The following SCN7A variants were observed in gnomAD, a reference collection of about 807,000 sequenced individuals.
SCN7A encodes the protein sodium channel protein type 7 subunit alpha.
Under a neutral mutation model 155.2 loss-of-function variants are expected in SCN7A, and 138 were observed. That is an observed-to-expected ratio of 0.89 (90% CI 0.77 to 1.02). The LOEUF is 1.02. Ranked by LOEUF, SCN7A falls within the 50% of genes least tolerant of loss-of-function variation. The probability of loss-of-function intolerance (pLI) is 0.00; values close to 1 mark genes in which losing one functional copy is unlikely to be tolerated. For synonymous variants in SCN7A, 693 were observed against 649.0 expected (o/e 1.07, Z -1.03); for missense variants, 2,058 against 1,986.6 (o/e 1.04, Z -0.68).
In SCN7A at chr2:166,457,055, C is replaced by A. The variant is rs1256613535; in HGVS notation, c.1105G>T (p.Val369Phe). Residue 369 changes from valine to phenylalanine, a missense_variant, in exon 11 of 26, where the codon GTC becomes TTC. Val to Phe is a conservative substitution (Grantham distance 50). Transcript: ENST00000643258. ...YHQILYASGKVYMIFFVVVSF... is the reference protein window; with the variant it reads ...YHQILYASGKFYMIFFVVVSF... Reference sequence around the variant, plus strand: ...ACCACCACAAAAAATATCATGTAGACCTTCCCAGAAGCATAAAGTATCTAA... The same window carrying A: ...ACCACCACAAAAAATATCATGTAGAACTTCCCAGAAGCATAAAGTATCTAA... 1.2e-6 allele frequency: 2 copies of A among 1,607,880 alleles called. No homozygotes were observed. The highest frequency in any genetic ancestry group is 8.5e-7 in the Non-Finnish European group (1 of 1,177,496).
At chr2:166,432,214 G>C (rs1701746345) in intron 16 of SCN7A, 104 bp downstream of exon 16, 2 of 810,546 alleles carry the variant, frequency 2.5e-6, no homozygotes, top group African/African-American at 3.5e-5. Flanking sequence ...GATGGAGTTA[G>C]AATTGAGTGG....
chr2:166,432,245 C>T (rs1371487419), intron 16 of SCN7A, 73 bp downstream of exon 16: 12 of 1,206,802 alleles, frequency 9.9e-6, no homozygotes, highest in South Asian at 3.0e-5. Context: ...TGTGGAACTT[C>T]GGCGCTGATT....
intron 16 of SCN7A, among the ~76,000 whole-genome samples, chr2:166,429,876 T>C (rs1173377498): frequency 1.3e-5 from 2 of 152,098 alleles, no homozygotes; most frequent in African/African-American, 4.8e-5. Flanking sequence ...TCTTTCTAAC[T>C]CTGCTTTTGA....
At chr2:166,439,699 A>C (rs901930486) in intron 15 of SCN7A, among the ~76,000 whole-genome samples, 2 of 152,214 alleles carry the variant, frequency 1.3e-5, no homozygotes, top group Non-Finnish European at 2.9e-5. Flanking sequence ...TGTAACTACA[A>C]AGGGCAGAAG....
At chr2:166,465,669 C>T (rs2105485190) in intron 8 of SCN7A, 112 bp downstream of exon 8, 1 of 1,324,496 alleles carries the variant, frequency 7.6e-7, no homozygotes, top group Non-Finnish European at 1.1e-6. Flanking sequence ...TGCCTTTCAA[C>T]CAGCGCCTTT....
intron 15 of SCN7A, chr2:166,436,384 G>A (rs1701839561): frequency 4.5e-6 from 2 of 442,860 alleles, no homozygotes; most frequent in Non-Finnish European, 4.5e-6. Flanking sequence ...GCAATGTGAA[G>A]GACATGCCTG....
chr2:166,489,829 T>C (rs1031941254), intron 1 of SCN7A, among the ~76,000 whole-genome samples: 5 of 152,188 alleles, frequency 3.3e-5, no homozygotes, highest in African/African-American at 7.2e-5. Context: ...TTTCTCACTC[T>C]GACAATTTCA....
At chr2:166,480,857 T>C (rs2893022) in intron 2 of SCN7A, among the ~76,000 whole-genome samples, 89,053 of 151,980 alleles carry the variant, frequency 0.59, 26,257 homozygotes, top group Middle Eastern at 0.66. Context: ...CGTGAACCAA[T>C]CCTATTCATG....
intron 18 of SCN7A, 95 bp downstream of exon 18, chr2:166,427,693 T>G: frequency 1.8e-6 from 2 of 1,141,040 alleles, no homozygotes; most frequent in East Asian, 2.6e-5. Context: ...CTAAATATCC[T>G]TGGAAATGTA....
At chr2:166,471,335 G>T (rs1702650294) in intron 6 of SCN7A, among the ~76,000 whole-genome samples, 1 of 151,812 alleles carries the variant, frequency 6.6e-6, no homozygotes, top group Non-Finnish European at 1.5e-5. Flanking sequence ...GATTCAGAGG[G>T]TTTTTTGAGA....
At position 166,416,750 on chromosome 2, in the gene SCN7A, T is replaced by G. The variant is rs778515155; in HGVS notation, c.3371A>C (p.Asn1124Thr). Residue 1124 changes from asparagine (N) to threonine (T), a missense_variant, in exon 21 of 26, where the codon AAC (asparagine) becomes ACC (threonine). Transcript: ENST00000643258. ...ESMLWENAKM[N>T]FDNVGNGFLS... The stretch of plus-strand genomic sequence containing the variant: ...GAAACCATTTCCAACATTATCAAAG[T>G]TCATTTTTGCATTTTCCCATAGCAT... 9 of 1,611,886 alleles carry G rather than the reference T, an allele frequency of 5.6e-6. No individual in the cohort carries two copies. The highest frequency in any genetic ancestry group is 7.6e-6 in the Non-Finnish European group (9 of 1,178,862).
intron 11 of SCN7A, 43 bp downstream of exon 11, chr2:166,456,827 T>TATAGATAG (rs768632050): frequency 0.023 from 14,693 of 635,562 alleles, 910 homozygotes; most frequent in South Asian, 0.068. Context: ...TATATATATA[T>TATAGATAG]ATAGATAGAT....
chr2:166,462,343 G>T (rs760379437), intron 10 of SCN7A, 46 bp downstream of exon 10: 1 of 1,524,696 alleles, frequency 6.6e-7, no homozygotes, highest in Non-Finnish European at 8.9e-7. Context: ...AGAAGCAAGG[G>T]CATGGTGCCA....
In SCN7A at chr2:166,406,553, A is replaced by C; in HGVS notation, c.4076T>G (p.Leu1359Arg). The change falls in exon 26 of 26, where the codon CTT becomes CGT. Residue 1359 changes from leucine to arginine, a missense_variant. Physicochemically the swap from Leu to Arg is moderately radical, Grantham distance 102. Transcript: ENST00000643258. ...LLSRIIHMLR[L>R]GKGPKVFHNL... ...ATGAAACACCTTTGGTCCTTTTCCAAGACGCAGCATGTGAATGATCCGTGA... is the reference window on the plus strand; with the variant it reads ...ATGAAACACCTTTGGTCCTTTTCCACGACGCAGCATGTGAATGATCCGTGA... 6.2e-7 allele frequency: 1 copy of C among 1,612,912 alleles called. No individual in the cohort carries two copies. The highest frequency in any genetic ancestry group is 1.7e-5 in the Admixed American group (1 of 59,838).
chr2:166,444,970 A>G lies in SCN7A; in HGVS notation c.1418T>C (p.Leu473Ser). ...ELEKSKKICP[L>S]YWYKFAKTFL... The stretch of plus-strand genomic sequence containing the variant: ...AGTTTTAGCAAACTTATACCAGTAT[A>G]ATGGGCATATCTTCTTGGATTTTTC... The change falls in exon 13 of 26, where the codon TTA (leucine) becomes TCA (serine). Residue 473 changes from leucine to serine, a missense_variant. Physicochemically the swap from Leu to Ser is moderately radical, Grantham distance 145. Coordinates refer to ENST00000643258, the MANE Select transcript of SCN7A (RefSeq NM_002976.4). The G allele has an allele frequency of 6.2e-7, 1 of 1,611,294 alleles. No homozygotes were observed. The highest frequency in any genetic ancestry group is 8.5e-7 in the Non-Finnish European group (1 of 1,177,742).
Position 166,432,650 on chromosome 2 carries a change from T to G in SCN7A, c.2260A>C (p.Arg754=). ...EAKNLQLAVA[R]IKKGINYVLL... ...ACATAGTTTATTCCTTTTTTAATTCTTGCCACTGCAAGCTGGAGATTTTTT... is the reference window on the plus strand; with the variant it reads ...ACATAGTTTATTCCTTTTTTAATTCGTGCCACTGCAAGCTGGAGATTTTTT... The change falls in exon 16 of 26, where the codon AGA becomes CGA. Residue 754 remains arginine (R), a synonymous_variant. Coordinates refer to ENST00000643258, the MANE Select transcript of SCN7A (RefSeq NM_002976.4). 6.2e-7 allele frequency: 1 copy of G among 1,610,100 alleles called. No homozygotes were observed.
chr2:166,472,244 C>T (rs36063236), intron 6 of SCN7A, 73 bp downstream of exon 6: 204,218 of 1,415,278 alleles, frequency 0.14, 15,716 homozygotes, highest in Middle Eastern at 0.18. Flanking sequence ...TCTTTGCAGA[C>T]GTCAATTATT....
intron 16 of SCN7A, among the ~76,000 whole-genome samples, chr2:166,431,467 C>T (rs917447639): frequency 6.6e-6 from 1 of 151,962 alleles, no homozygotes; most frequent in Admixed American, 6.6e-5. Flanking sequence ...ACACATTCCC[C>T]GACCCTCCAG....
intron 11 of SCN7A, among the ~76,000 whole-genome samples, chr2:166,449,587 C>T (rs367780177): frequency 6.6e-6 from 1 of 152,136 alleles, no homozygotes; most frequent in Non-Finnish European, 1.5e-5. Context: ...GCGACAGACT[C>T]TGCAGGTCTA....
Sources: allele counts gnomAD v4.1 joint callset (sites outside exome capture counted in the v4.1 genomes callset), GRCh38; gene constraint gnomAD v4.1.1; transcripts MANE v1.5; gene names NCBI Gene and HGNC (gene_info 2026-07-23, HGNC 2026-07-21).